Variants in FGFBP3 observed in about 807,000 individuals in gnomAD.
FGFBP3 encodes the protein fibroblast growth factor binding protein 3, also known as fibroblast growth factor-binding protein 3.
A neutral mutation model predicts 4.8 loss-of-function variants in FGFBP3; 4 were observed. The ratio of observed to expected loss-of-function variants is 0.83; its 90% CI spans 0.41 to 1.90. FGFBP3 has a LOEUF of 1.90. Ranked by LOEUF, FGFBP3 falls within the 40% of genes most tolerant of loss-of-function variation. The pLI, the probability that FGFBP3 is intolerant of heterozygous loss-of-function variation, is 0.03. For synonymous variants in FGFBP3, 215 were observed against 190.0 expected, an observed-to-expected ratio of 1.13 and a Z score of -1.08; for missense variants, 429 against 397.4, an observed-to-expected ratio of 1.08 and a Z score of -0.68.
Position 91,908,083 on chromosome 10 carries a change from A to G in FGFBP3, c.*110T>C. Reference sequence around the variant, plus strand: ...ACCCTTGCCCCCACCCCCATTCGAGAACCTGGACTTCTCCCCAATCTCTAT... The same window carrying G: ...ACCCTTGCCCCCACCCCCATTCGAGGACCTGGACTTCTCCCCAATCTCTAT... On this transcript the variant is annotated 3_prime_UTR_variant, in exon 2 of 2. Coordinates refer to ENST00000311575, the MANE Select transcript of FGFBP3 (RefSeq NM_152429.5). The G allele has an allele frequency of 8.2e-7, 1 of 1,223,600 alleles. No homozygotes were observed. The highest frequency in any genetic ancestry group is 1.1e-6 in the Non-Finnish European group (1 of 915,346). The allele number at this position is 1,223,600 out of a possible 1,614,324, so 75.8% of individuals were successfully genotyped here.
Position 91,908,070 on chromosome 10 carries a change from A to G in FGFBP3, c.*123T>C, listed in dbSNP as rs1197243258. 6.6e-5 allele frequency: 53 copies of G among 798,992 alleles called. No individual in the cohort carries two copies. Among genetic ancestry groups the G allele is most frequent in the Non-Finnish European group, 9.5e-5 (53 of 559,164 alleles). The allele number at this position is 798,992 out of a possible 1,614,324, so 49.5% of individuals were successfully genotyped here. ...GCATCTCACCCTTACCCTTGCCCCC[A>G]CCCCCATTCGAGAACCTGGACTTCT... On this transcript the variant is annotated 3_prime_UTR_variant, in exon 2 of 2. Transcript: ENST00000311575.
At chr10:91,909,088 G>T in intron 1 of FGFBP3, 41 bp from the exon 2 acceptor site, 1 of 1,165,562 alleles carries the variant, frequency 8.6e-7, no homozygotes, top group South Asian at 1.6e-5. Flanking sequence ...TGAGCCACAC[G>T]CAGCGCTTCG....
At position 91,907,897 on chromosome 10, in the gene FGFBP3, C is replaced by A. The variant is rs750223750; in HGVS notation, c.*296G>T. On this transcript the variant is annotated 3_prime_UTR_variant, in exon 2 of 2. Transcript: ENST00000311575. ...AGCCTCCCTCTGCATCGATTTCTCT[C>A]CCCAGTCTCCAGTTTTTGCACATTT... 8.5e-6 allele frequency: 3 copies of A among 352,996 alleles called. No individual in the cohort carries two copies. The highest frequency in any genetic ancestry group is 4.4e-5 in the South Asian group (1 of 22,678). 21.9% of individuals were successfully genotyped at this position (352,996 alleles called of 1,614,324 possible).
At position 91,908,519 on chromosome 10, in the gene FGFBP3, C is replaced by G. The variant is rs1843318611; in HGVS notation, c.451G>C (p.Ala151Pro). The G allele has an allele frequency of 7.3e-7, 1 of 1,376,190 alleles. No homozygotes were observed. Among genetic ancestry groups the G allele is most frequent in the Admixed American group, 4.0e-5 (1 of 24,812 alleles). The allele number at this position is 1,376,190 out of a possible 1,614,324, so 85.2% of individuals were successfully genotyped here. A position where few individuals can be genotyped will look rare whatever the true frequency, so the allele number is the denominator to read the frequency against. The change falls in exon 2 of 2, where the codon GCG (alanine) becomes CCG (proline). Residue 151 changes from alanine (A) to proline (P), a missense_variant. Transcript: ENST00000311575. ...HGAELRLVPRASPPARPTVAG... is the reference protein window; with the variant it reads ...HGAELRLVPRPSPPARPTVAG... ...ACGGTGGGGCGTGCGGGCGGGGACG[C>G]GCGGGGCACTAGCCGCAGCTCGGCG...
rs779413128 is a variant in FGFBP3, at chr10:91,908,570, A to G, written c.400T>C (p.Leu134=). 2.9e-6 allele frequency: 4 copies of G among 1,398,842 alleles called. No homozygotes were observed. The highest frequency in any genetic ancestry group is 2.8e-6 in the Non-Finnish European group (3 of 1,084,062). The allele number at this position is 1,398,842 out of a possible 1,614,324, so 86.7% of individuals were successfully genotyped here. ...CHDPAPLQAR[L]CAGKKGHGAE... is the part of the protein sequence containing the mutation. ...CCGTGGCCCTTCTTGCCCGCGCACAAGCGGGCCTGGAGCGGCGCGGGGTCG... is the reference window on the plus strand; with the variant it reads ...CCGTGGCCCTTCTTGCCCGCGCACAGGCGGGCCTGGAGCGGCGCGGGGTCG... Residue 134 remains leucine (L), a synonymous_variant, in exon 2 of 2, where the codon TTG becomes CTG. Transcript: ENST00000311575.
In FGFBP3 at chr10:91,908,674, C is replaced by G; in HGVS notation, c.296G>C (p.Cys99Ser). The change falls in exon 2 of 2, where the codon TGC (cysteine) becomes TCC (serine). Residue 99 changes from cysteine to serine, a missense_variant. Physicochemically the swap from Cys to Ser is moderately radical, Grantham distance 112. Transcript: ENST00000311575. ...QCAYRGHPERCAAYAARRAHF... is the reference protein window; with the variant it reads ...QCAYRGHPERSAAYAARRAHF... Reference sequence around the variant, plus strand: ...CGCGCGGCGAGCGGCGTAGGCTGCGCAGCGCTCCGGATGCCCGCGGTAGGC... The same window carrying G: ...CGCGCGGCGAGCGGCGTAGGCTGCGGAGCGCTCCGGATGCCCGCGGTAGGC... The G allele has an allele frequency of 7.0e-7, 1 of 1,429,194 alleles. No homozygotes were observed. Among genetic ancestry groups the G allele is most frequent in the Non-Finnish European group, 9.1e-7 (1 of 1,094,842 alleles). 88.5% of individuals were successfully genotyped at this position (1,429,194 alleles called of 1,614,324 possible).
Position 91,907,093 on chromosome 10 carries a change from A to G in FGFBP3, c.*1100T>C, listed in dbSNP as rs1427754853. The G allele has an allele frequency of 6.6e-6, 1 of 152,236 alleles. No homozygotes were observed. The highest frequency in any genetic ancestry group is 1.5e-5 in the Non-Finnish European group (1 of 68,044). 9.4% of individuals were successfully genotyped at this position (152,236 alleles called of 1,614,324 possible). A position where few individuals can be genotyped will look rare whatever the true frequency, so the allele number is the denominator to read the frequency against. On this transcript the variant is annotated 3_prime_UTR_variant, in exon 2 of 2. Coordinates refer to ENST00000311575, the MANE Select transcript of FGFBP3 (RefSeq NM_152429.5). ...CTGTTTAAAAAAAAAAATCAGATAT[A>G]AAGAGAATCACTGTTTACTGGAGCA...
rs1843319165 is a variant in FGFBP3, at chr10:91,908,571, G to A, written c.399C>T (p.Arg133=). The change falls in exon 2 of 2, where the codon CGC becomes CGT. Residue 133 remains arginine, a synonymous_variant. Coordinates refer to ENST00000311575, the MANE Select transcript of FGFBP3 (RefSeq NM_152429.5). ...PCHDPAPLQA[R]LCAGKKGHGA... Reference sequence around the variant, plus strand: ...CGTGGCCCTTCTTGCCCGCGCACAAGCGGGCCTGGAGCGGCGCGGGGTCGT... The same window carrying A: ...CGTGGCCCTTCTTGCCCGCGCACAAACGGGCCTGGAGCGGCGCGGGGTCGT... 1 of 1,399,646 alleles carries A rather than the reference G, an allele frequency of 7.1e-7. No individual in the cohort carries two copies. The highest frequency in any genetic ancestry group is 9.2e-7 in the Non-Finnish European group (1 of 1,084,394). 86.7% of individuals were successfully genotyped at this position (1,399,646 alleles called of 1,614,324 possible).
chr10:91,909,105 C>T (rs1843327485), intron 1 of FGFBP3, 58 bp from the exon 2 acceptor site: 1 of 960,606 alleles, frequency 1.0e-6, no homozygotes, highest in Non-Finnish European at 1.5e-6. Context: ...TTCGCCCAGA[C>T]ACATGCACCT....
chr10:91,908,558 T>G lies in FGFBP3; in HGVS notation c.412A>C (p.Lys138Gln), dbSNP rs1462744116. Residue 138 changes from lysine to glutamine, a missense_variant, in exon 2 of 2, where the codon AAG (lysine) becomes CAG (glutamine). Physicochemically the swap from Lys to Gln is moderately conservative, Grantham distance 53. Transcript: ENST00000311575. The part of the protein sequence containing the change: ...APLQARLCAG[K>Q]KGHGAELRLV... ...CGCAGCTCGGCGCCGTGGCCCTTCT[T>G]GCCCGCGCACAAGCGGGCCTGGAGC... 6.5e-6 allele frequency: 9 copies of G among 1,393,148 alleles called. No individual in the cohort carries two copies. Among genetic ancestry groups the G allele is most frequent in the Non-Finnish European group, 8.3e-6 (9 of 1,081,118 alleles). The allele number at this position is 1,393,148 out of a possible 1,614,324, so 86.3% of individuals were successfully genotyped here. A position where few individuals can be genotyped will look rare whatever the true frequency, so the allele number is the denominator to read the frequency against.
chr10:91,908,125 C>G lies in FGFBP3; in HGVS notation c.*68G>C. The G allele has an allele frequency of 6.5e-7, 1 of 1,540,570 alleles. No individual in the cohort carries two copies. The highest frequency in any genetic ancestry group is 8.7e-7 in the Non-Finnish European group (1 of 1,151,022). ...AATCTCTATCACAGTACCCCCCGGTCTAAGACGCCCTTAGCTTTCCCTTCC... is the reference window on the plus strand; with the variant it reads ...AATCTCTATCACAGTACCCCCCGGTGTAAGACGCCCTTAGCTTTCCCTTCC... On this transcript the variant is annotated 3_prime_UTR_variant, in exon 2 of 2. Transcript: ENST00000311575.
At chr10:91,909,263 G>A in intron 1 of FGFBP3, 135 bp downstream of exon 1, 1 of 437,100 alleles carries the variant, frequency 2.3e-6, no homozygotes, top group Non-Finnish European at 4.0e-6. Flanking sequence ...AAATACGATA[G>A]CAAAACGATG....
In FGFBP3 at chr10:91,908,783, G is replaced by T; in HGVS notation, c.187C>A (p.Leu63Ile). 1 of 1,425,656 alleles carries T rather than the reference G, an allele frequency of 7.0e-7. No individual in the cohort carries two copies. The highest frequency in any genetic ancestry group is 2.5e-4 in the Middle Eastern group (1 of 4,062). 88.3% of individuals were successfully genotyped at this position (1,425,656 alleles called of 1,614,324 possible). ...SPEQHACSWQ[L>I]LLPAPEAAAG... ...GCGGCCTCCGGGGCGGGCAGCAGGA[G>T]CTGCCAGCTGCACGCGTGCTGCTCG... is the stretch of plus-strand genomic sequence containing the variant. Residue 63 changes from leucine (L) to isoleucine (I), a missense_variant, in exon 2 of 2, where the codon CTC (leucine) becomes ATC (isoleucine). Coordinates refer to ENST00000311575, the MANE Select transcript of FGFBP3 (RefSeq NM_152429.5).
Position 91,908,914 on chromosome 10 carries a change from C to T in FGFBP3, c.56G>A (p.Ser19Asn). 1 of 1,604,944 alleles carries T rather than the reference C, an allele frequency of 6.2e-7. No individual in the cohort carries two copies. Among genetic ancestry groups the T allele is most frequent in the Non-Finnish European group, 8.5e-7 (1 of 1,177,520 alleles). The change falls in exon 2 of 2, where the codon AGT (serine) becomes AAT (asparagine). Residue 19 changes from serine to asparagine, a missense_variant. Transcript: ENST00000311575. ...CCGAGCAGCCGCGAGGAGGCAACCACTCAGCAGCAGCAGCAGCGACGGCGA... is the reference window on the plus strand; with the variant it reads ...CCGAGCAGCCGCGAGGAGGCAACCATTCAGCAGCAGCAGCAGCGACGGCGA... ...SLSPSLLLLL[S>N]GCLLAAARRE...
chr10:91,908,679 C>T lies in FGFBP3; in HGVS notation c.291G>A (p.Glu97=), dbSNP rs754208602. 3.5e-6 allele frequency: 5 copies of T among 1,425,410 alleles called. No homozygotes were observed. The East Asian group carries it at 1.5e-4, about 44-fold the overall frequency. The allele number at this position is 1,425,410 out of a possible 1,614,324, so 88.3% of individuals were successfully genotyped here. A position where few individuals can be genotyped will look rare whatever the true frequency, so the allele number is the denominator to read the frequency against. ...RHQCAYRGHP[E]RCAAYAARRA... ...GGCGAGCGGCGTAGGCTGCGCAGCG[C>T]TCCGGATGCCCGCGGTAGGCGCACT... Residue 97 remains glutamate (E), a synonymous_variant, in exon 2 of 2, where the codon GAG becomes GAA. Transcript: ENST00000311575.
rs1286222948 is a variant in FGFBP3 at position 91,908,787 on chromosome 10, C to T, written c.183G>A (p.Trp61Ter). 2.1e-6 allele frequency: 3 copies of T among 1,428,492 alleles called. No individual in the cohort carries two copies. The highest frequency in any genetic ancestry group is 3.0e-5 in the African/African-American group (2 of 66,032). The allele number at this position is 1,428,492 out of a possible 1,614,324, so 88.5% of individuals were successfully genotyped here. A position where few individuals can be genotyped will look rare whatever the true frequency, so the allele number is the denominator to read the frequency against. ...FLSPEQHACSWQLLLPAPEAA... is the reference protein window; with the variant it reads ...FLSPEQHACS ...CCTCCGGGGCGGGCAGCAGGAGCTGCCAGCTGCACGCGTGCTGCTCGGGGC... is the reference window on the plus strand; with the variant it reads ...CCTCCGGGGCGGGCAGCAGGAGCTGTCAGCTGCACGCGTGCTGCTCGGGGC... The change falls in exon 2 of 2, where the codon TGG (tryptophan) becomes TGA (stop). Residue 61 changes from tryptophan (W) to a stop codon, truncating the protein, a stop_gained. Coordinates refer to ENST00000311575, the MANE Select transcript of FGFBP3 (RefSeq NM_152429.5). LOFTEE classifies it low-confidence loss of function (END_TRUNC).
chr10:91,909,119 A>AACT, intron 1 of FGFBP3, 72 bp from the exon 2 acceptor site: 1 of 826,716 alleles, frequency 1.2e-6, no homozygotes, highest in Non-Finnish European at 1.8e-6. Flanking sequence ...TGCACCTGCG[A>AACT]ACTACTCTTC....
In FGFBP3 at chr10:91,908,419, G is replaced by A; in HGVS notation, c.551C>T (p.Ala184Val). 1 of 1,518,644 alleles carries A rather than the reference G, an allele frequency of 6.6e-7. No individual in the cohort carries two copies. Among genetic ancestry groups the A allele is most frequent in the South Asian group, 1.3e-5 (1 of 78,890 alleles). The allele number at this position is 1,518,644 out of a possible 1,614,324, so 94.1% of individuals were successfully genotyped here. ...GCTTTGGGGAGGCGGGGTCCCAGCG[G>A]CTGGGCCGGACGCACGCTCCCGGGT... ...GRTRERASGP[A>V]AGTPPPQSAP... is the part of the protein sequence containing the mutation. Residue 184 changes from alanine to valine, a missense_variant, in exon 2 of 2, where the codon GCC becomes GTC. Transcript: ENST00000311575.
chr10:91,908,697 G>A lies in FGFBP3; in HGVS notation c.273C>T (p.Ala91=), dbSNP rs903868284. ...QSPDGARHQC[A]YRGHPERCAA... Reference sequence around the variant, plus strand: ...CGCAGCGCTCCGGATGCCCGCGGTAGGCGCACTGGTGGCGCGCCCCGTCCG... The same window carrying A: ...CGCAGCGCTCCGGATGCCCGCGGTAAGCGCACTGGTGGCGCGCCCCGTCCG... The change falls in exon 2 of 2, where the codon GCC becomes GCT. Residue 91 remains alanine, a synonymous_variant. Transcript: ENST00000311575. 2.8e-6 allele frequency: 4 copies of A among 1,405,114 alleles called. No individual in the cohort carries two copies. The highest frequency in any genetic ancestry group is 2.8e-6 in the Non-Finnish European group (3 of 1,084,746). 87.0% of individuals were successfully genotyped at this position (1,405,114 alleles called of 1,614,324 possible).
Sources: gnomAD v4.1 joint callset for allele counts on GRCh38, gnomAD v4.1.1 for gene constraint, MANE v1.5 for transcripts, NCBI Gene and HGNC (gene_info 2026-07-23, HGNC 2026-07-21) for gene names.